The following MCF2L2 variants were observed in gnomAD, a reference collection of about 807,000 sequenced individuals.
MCF2L2 encodes the protein MCF.2 cell line derived transforming sequence-like 2.
In MCF2L2, 102 loss-of-function variants were observed where a neutral mutation model predicts 150.2. The ratio of observed to expected loss-of-function variants is 0.68; its 90% confidence interval spans 0.58 to 0.80. MCF2L2 has a LOEUF of 0.80. MCF2L2 is among the 30% of genes least tolerant of loss of function. The probability of loss-of-function intolerance (pLI) is 0.00; values close to 1 mark genes in which losing one functional copy is unlikely to be tolerated. For missense variants in MCF2L2, 1,256 were observed against 1,372.8 expected (o/e 0.91, Z 1.34); for synonymous variants, 465 against 491.3 (o/e 0.95, Z 0.71).
chr3:183,318,250 A>C, intron 6 of MCF2L2, 33 bp from the exon 7 acceptor site: 1 of 1,612,382 alleles, frequency 6.2e-7, no homozygotes, highest in Non-Finnish European at 8.5e-7. Context: ...CAATATGGAG[A>C]GATTAACATT....
intron 10 of MCF2L2, among the ~76,000 whole-genome samples, chr3:183,302,876 T>G (rs1728923382): frequency 6.6e-6 from 1 of 152,132 alleles, no homozygotes; most frequent in African/African-American, 2.4e-5. Flanking sequence ...TAAAAACTAT[T>G]TTCTTTATTT....
At chr3:183,229,455 G>C (rs868063022) in intron 17 of MCF2L2, among the ~76,000 whole-genome samples, 13 of 152,316 alleles carry the variant, frequency 8.5e-5, no homozygotes, top group Middle Eastern at 3.4e-3. Context: ...CTGGGTCCCT[G>C]TTCCTTTGAT....
Position 183,181,583 on chromosome 3 carries a change from C to T in MCF2L2, c.3017-1424G>A, listed in dbSNP as rs1330934105. 4.6e-5 allele frequency among the ~76,000 whole-genome samples: 7 copies of T among 152,246 alleles called. No individual in the cohort carries two copies. The East Asian group carries it at 1.4e-3, about 29-fold the overall frequency. On this transcript the variant is annotated intron_variant, in intron 27 of 29. Transcript: ENST00000328913. The surrounding 1 kb of genome is among the most constrained non-coding windows in gnomAD (Gnocchi z 4.3). ...ACTCCTCTTTAGAGAAGTCATCCAG[C>T]CCTGGGGTCCCCTTATGCCAGGAGC... is the stretch of plus-strand genomic sequence containing the variant.
In MCF2L2 at chr3:183,178,127, T is replaced by C. The variant is rs1225582278; in HGVS notation, c.*1253A>G. Reference sequence around the variant, plus strand: ...AAAACTCCAATAAGATAAAGTGAAATAACTATGAAGGTAAATAACTCAGAT... The same window carrying C: ...AAAACTCCAATAAGATAAAGTGAAACAACTATGAAGGTAAATAACTCAGAT... On this transcript the variant is annotated 3_prime_UTR_variant, in exon 30 of 30. Coordinates refer to ENST00000328913, the MANE Select transcript of MCF2L2 (RefSeq NM_015078.4). 6.6e-6 allele frequency: 1 copy of C among 152,154 alleles called. No homozygotes were observed. The highest frequency in any genetic ancestry group is 1.5e-5 in the Non-Finnish European group (1 of 68,042). The allele number at this position is 152,154 out of a possible 1,614,324, so 9.4% of individuals were successfully genotyped here. A position where few individuals can be genotyped will look rare whatever the true frequency, so the allele number is the denominator to read the frequency against.
intron 15 of MCF2L2, among the ~76,000 whole-genome samples, chr3:183,250,774 G>T (rs1394402341): frequency 6.6e-6 from 1 of 152,124 alleles, no homozygotes; most frequent in Admixed American, 6.5e-5. Flanking sequence ...TGGTGATGCT[G>T]TATCAACAGA....
intron 15 of MCF2L2, chr3:183,271,010 A>G: frequency 1.5e-6 from 2 of 1,352,928 alleles, no homozygotes; most frequent in Non-Finnish European, 2.0e-6. Context: ...ATGTTCGTCT[A>G]TACCCTAAGT....
intron 3 of MCF2L2, among the ~76,000 whole-genome samples, chr3:183,361,020 A>AAGGAAAGACCAGATAAGACAG (rs1412282490): frequency 3.9e-5 from 5 of 126,670 alleles, no homozygotes; most frequent in Non-Finnish European, 6.6e-5. Flanking sequence ...AAAGAAAAGA[A>AAGGAAAGACCAGATAAGACAG]AAGAGAAAAG....
chr3:183,200,269 A>G (rs936654745), intron 25 of MCF2L2, among the ~76,000 whole-genome samples: 1 of 152,182 alleles, frequency 6.6e-6, no homozygotes, highest in Non-Finnish European at 1.5e-5. Flanking sequence ...CTATTTCTCC[A>G]CATCCTCTCC....
At chr3:183,254,407 G>A (rs1724831976) in intron 15 of MCF2L2, among the ~76,000 whole-genome samples, 1 of 151,902 alleles carries the variant, frequency 6.6e-6, no homozygotes, top group Non-Finnish European at 1.5e-5. Flanking sequence ...GGAGAAGGAG[G>A]CTCGTCCCCT....
At position 183,364,312 on chromosome 3, in the gene MCF2L2, C is replaced by T. The variant is rs140220565; in HGVS notation, c.275+14985G>A. ...CGGGCGGATCACAAGGTCAGGAGAT[C>T]GAGACCATCCTGGCTAACACGGTGA... On this transcript the variant is annotated intron_variant, in intron 3 of 29. Transcript: ENST00000328913. 4.5e-4 allele frequency among the ~76,000 whole-genome samples: 68 copies of T among 151,894 alleles called. No individual in the cohort carries two copies. The East Asian group carries it at 0.013, about 28-fold the overall frequency.
chr3:183,238,493 C>G (rs912202676), intron 15 of MCF2L2, among the ~76,000 whole-genome samples: 1 of 151,430 alleles, frequency 6.6e-6, no homozygotes, highest in African/African-American at 2.4e-5. Context: ...TGGGGTTTTA[C>G]CATGTTGGCC....
rs756258802 is a variant in MCF2L2 at position 183,295,469 on chromosome 3, G to T, written c.1506C>A (p.Ala502=). 2 of 1,613,916 alleles carry T rather than the reference G, an allele frequency of 1.2e-6. No homozygotes were observed. The highest frequency in any genetic ancestry group is 1.7e-5 in the Admixed American group (1 of 59,992). The change falls in exon 13 of 30, where the codon GCC becomes GCA. Residue 502 remains alanine (A), a synonymous_variant. Coordinates refer to ENST00000328913, the MANE Select transcript of MCF2L2 (RefSeq NM_015078.4). ...LLLTLDAKAK[A]QKVLQRLDDV... ...CATCCAGCCTCTGCAAAACTTTCTG[G>T]GCTTTGGCCTACAGTAACAAAAGCA...
Position 183,295,316 on chromosome 3 carries a change from G to A in MCF2L2, c.1659C>T (p.Ser553=). The part of the protein sequence containing the change: ...SSPKWVSSKT[S]QPSTSVPLAR... ...ATAACCTACCCGAGGTGGAGGGCTG[G>A]CTGGTTTTTGATGACACCCATTTTG... The change falls in exon 13 of 30, where the codon AGC becomes AGT. Residue 553 remains serine (S), a synonymous_variant. Coordinates refer to ENST00000328913, the MANE Select transcript of MCF2L2 (RefSeq NM_015078.4). 6.2e-7 allele frequency: 1 copy of A among 1,607,998 alleles called. No homozygotes were observed. The highest frequency in any genetic ancestry group is 1.1e-5 in the South Asian group (1 of 90,470).
At chr3:183,308,224 T>C (rs550479032) in intron 10 of MCF2L2, among the ~76,000 whole-genome samples, 1 of 152,292 alleles carries the variant, frequency 6.6e-6, no homozygotes, top group Non-Finnish European at 1.5e-5. Flanking sequence ...GGATAAGGAA[T>C]ACCTCTTGAT....
At chr3:183,389,660 T>A in intron 2 of MCF2L2, 36 bp downstream of exon 2, 3 of 1,576,216 alleles carry the variant, frequency 1.9e-6, no homozygotes, top group Non-Finnish European at 2.6e-6. Flanking sequence ...GACCCCCCCA[T>A]CAAAATCTGG....
chr3:183,413,611 C>A (rs1014224236), intron 1 of MCF2L2, among the ~76,000 whole-genome samples: 3 of 152,194 alleles, frequency 2.0e-5, no homozygotes, highest in Non-Finnish European at 4.4e-5. Flanking sequence ...GCGGTCAAGA[C>A]GCCTGCACCC....
chr3:183,388,357 C>G (rs1354033021), intron 2 of MCF2L2, among the ~76,000 whole-genome samples: 1 of 152,180 alleles, frequency 6.6e-6, no homozygotes, highest in East Asian at 1.9e-4. Flanking sequence ...GGTAGGGCAA[C>G]AGTTTCCAGG....
intron 2 of MCF2L2, among the ~76,000 whole-genome samples, chr3:183,380,428 G>A (rs1713453914): frequency 6.6e-6 from 1 of 152,152 alleles, no homozygotes; most frequent in South Asian, 2.1e-4. Context: ...TTGAGACAGA[G>A]TCTCGCACTG....
chr3:183,301,192 C>T (rs968328663), intron 10 of MCF2L2, among the ~76,000 whole-genome samples: 3 of 152,100 alleles, frequency 2.0e-5, no homozygotes, highest in Admixed American at 6.6e-5. Context: ...TTCCTTCATT[C>T]ATCCTTCTCA....
Sources: gnomAD v4.1 joint callset for allele counts (sites outside exome capture counted in the v4.1 genomes callset) on GRCh38, gnomAD v4.1.1 for gene constraint, Gnocchi (gnomAD v3.1) non-coding constraint, MANE v1.5 for transcripts, NCBI Gene and HGNC (gene_info 2026-07-23, HGNC 2026-07-21) for gene names.